Variants in SYT1 observed in about 807,000 individuals in gnomAD.
SYT1 encodes the protein synaptotagmin-1.
A neutral mutation model predicts 44.8 loss-of-function variants in SYT1; 8 were observed. That is an observed-to-expected ratio of 0.18 (90% CI 0.10 to 0.32). The LOEUF is 0.32. Among genes scored for constraint, SYT1 ranks in the 10% least tolerant of loss-of-function variants. The pLI is 1.00. For synonymous variants in SYT1, 154 were observed against 188.8 expected, an observed-to-expected ratio of 0.82 and a Z score of 1.51; for missense variants, 286 against 509.3, an observed-to-expected ratio of 0.56 and a Z score of 4.22.
intron 1 of SYT1, among the ~76,000 whole-genome samples, chr12:78,871,461 A>G (rs1315938761): frequency 6.6e-6 from 1 of 151,998 alleles, no homozygotes; most frequent in Admixed American, 6.6e-5. Context: ...CCAATATCCT[A>G]TGCCATACAA....
At chr12:79,298,280 A>T (rs1361272557) in intron 7 of SYT1, among the ~76,000 whole-genome samples, 1 of 152,126 alleles carries the variant, frequency 6.6e-6, no homozygotes, top group Non-Finnish European at 1.5e-5. Flanking sequence ...CATTCCTTCT[A>T]AAATGGAAAA....
intron 3 of SYT1, among the ~76,000 whole-genome samples, chr12:79,077,692 A>G (rs755291868): frequency 2.6e-5 from 4 of 152,214 alleles, no homozygotes; most frequent in Non-Finnish European, 4.4e-5. Context: ...TGACAAGAGC[A>G]TTACATACTT....
chr12:79,187,319 C>T (rs1182969772), intron 3 of SYT1, among the ~76,000 whole-genome samples: 1 of 152,094 alleles, frequency 6.6e-6, no homozygotes, highest in Non-Finnish European at 1.5e-5. Context: ...TAAGCGGCAG[C>T]TGCTCAGAGA....
At chr12:78,968,007 T>C (rs1168518225) in intron 1 of SYT1, among the ~76,000 whole-genome samples, 2 of 152,140 alleles carry the variant, frequency 1.3e-5, no homozygotes, top group Non-Finnish European at 2.9e-5. Flanking sequence ...CCAGGACTTT[T>C]GTGATGACTT....
At chr12:79,089,858 G>C (rs1877650650) in intron 3 of SYT1, among the ~76,000 whole-genome samples, 1 of 152,074 alleles carries the variant, frequency 6.6e-6, no homozygotes, top group African/African-American at 2.4e-5. Context: ...CTCCTCCCCT[G>C]TGCAGGTTCA....
chr12:79,296,060 T>C lies in SYT1; in HGVS notation c.475-9T>C. ...ATTTATGTATGCTGTATTCTGTCAT[T>C]TATTTCAGCTGCTGGTAGGGATCAT... On this transcript the variant is annotated splice_polypyrimidine_tract_variant and intron_variant, in intron 6 of 10. Coordinates refer to ENST00000261205, the MANE Select transcript of SYT1 (RefSeq NM_005639.3). 1.2e-6 allele frequency: 2 copies of C among 1,605,410 alleles called. No homozygotes were observed. The highest frequency in any genetic ancestry group is 1.7e-5 in the Admixed American group (1 of 57,950).
At chr12:79,100,693 G>A (rs73355516) in intron 3 of SYT1, among the ~76,000 whole-genome samples, 5,271 of 152,132 alleles carry the variant, frequency 0.035, 177 homozygotes, top group South Asian at 0.11. Context: ...TGCTCTTATA[G>A]TCAGAAAACA....
chr12:79,155,820 G>A (rs893038636), intron 3 of SYT1, among the ~76,000 whole-genome samples: 3 of 152,040 alleles, frequency 2.0e-5, no homozygotes, highest in Non-Finnish European at 2.9e-5. Flanking sequence ...GTTGCCTTCC[G>A]GCCTCTCTTG....
At chr12:79,402,067 T>A (rs1266769900) in intron 9 of SYT1, among the ~76,000 whole-genome samples, 2 of 152,168 alleles carry the variant, frequency 1.3e-5, no homozygotes, top group African/African-American at 4.8e-5. Flanking sequence ...ATTGTTGGCC[T>A]AGTGAGTGTT....
intron 3 of SYT1, among the ~76,000 whole-genome samples, chr12:79,108,373 A>G (rs1878829575): frequency 6.6e-6 from 1 of 152,060 alleles, no homozygotes; most frequent in African/African-American, 2.4e-5. Context: ...CACTTATAAT[A>G]AAAGTATTCT....
chr12:79,408,780 C>G (rs1485940819), intron 9 of SYT1, among the ~76,000 whole-genome samples: 1 of 145,612 alleles, frequency 6.9e-6, no homozygotes, highest in East Asian at 2.0e-4. Flanking sequence ...GACTATGAGT[C>G]TATTATTTCT....
rs375103707 is a variant in SYT1, at chr12:79,160,342, T to C, written c.-17-57161T>C. Among the ~76,000 whole-genome samples, 9 of 152,166 alleles carry C rather than the reference T, an allele frequency of 5.9e-5. 1 individual carries two copies. The highest frequency in any genetic ancestry group is 3.9e-4 in the East Asian group (2 of 5,158). On this transcript the variant is annotated intron_variant, in intron 3 of 10. Transcript: ENST00000261205. ...ATTGGCCCTAGCTCAGAAAAGAAGA[T>C]AGAACTAGAGGTATTGATTTTGGAT...
At chr12:79,043,793 C>T (rs1286403944) in intron 2 of SYT1, among the ~76,000 whole-genome samples, 2 of 152,150 alleles carry the variant, frequency 1.3e-5, no homozygotes, top group Non-Finnish European at 1.5e-5. Flanking sequence ...TTTAGCACTT[C>T]CTTCAGGAGC....
At chr12:79,208,670 G>A (rs895271977) in intron 3 of SYT1, among the ~76,000 whole-genome samples, 1 of 152,254 alleles carries the variant, frequency 6.6e-6, no homozygotes, top group South Asian at 2.1e-4. Context: ...ATTTAAAGGG[G>A]ATTCTTAGGA....
chr12:79,012,895 C>T (rs972916120), intron 2 of SYT1, among the ~76,000 whole-genome samples: 2 of 151,988 alleles, frequency 1.3e-5, no homozygotes, highest in African/African-American at 4.8e-5. Flanking sequence ...TGGGACGTAC[C>T]CCAGCCCACC....
chr12:79,139,977 G>A (rs1565823493), intron 3 of SYT1, among the ~76,000 whole-genome samples: 2 of 152,140 alleles, frequency 1.3e-5, no homozygotes, highest in Non-Finnish European at 2.9e-5. Flanking sequence ...GAAAGTCCCT[G>A]ATTTATTTAA....
intron 3 of SYT1, among the ~76,000 whole-genome samples, chr12:79,131,178 G>A (rs1404019305): frequency 2.0e-5 from 3 of 151,192 alleles, no homozygotes; most frequent in Non-Finnish European, 2.9e-5. Flanking sequence ...TACATGTGCA[G>A]AATGTGCAGG....
At chr12:79,003,443 A>G (rs1870872897) in intron 2 of SYT1, among the ~76,000 whole-genome samples, 1 of 152,044 alleles carries the variant, frequency 6.6e-6, no homozygotes, top group Non-Finnish European at 1.5e-5. Flanking sequence ...TATGTTATTT[A>G]AAACCCACAG....
chr12:79,409,564 C>A (rs1282013389), intron 9 of SYT1, among the ~76,000 whole-genome samples: 1 of 151,972 alleles, frequency 6.6e-6, no homozygotes, highest in African/African-American at 2.4e-5. Context: ...CCTGAATGGC[C>A]TAGAGGTAGA....
Sources: gnomAD v4.1 joint callset for allele counts (sites outside exome capture counted in the v4.1 genomes callset) on GRCh38, gnomAD v4.1.1 for gene constraint, MANE v1.5 for transcripts, NCBI Gene and HGNC (gene_info 2026-07-23, HGNC 2026-07-21) for gene names.